ZBBX: variants seen among roughly 807,000 people sequenced by gnomAD.
The protein encoded by ZBBX is zinc finger B-box domain containing, also known as zinc finger B-box domain-containing protein 1.
ZBBX carries 101 observed loss-of-function variants against 108.5 expected under a neutral mutation model. The ratio of observed to expected loss-of-function variants is 0.93; its 90% CI spans 0.79 to 1.10. ZBBX has a LOEUF of 1.10. ZBBX is among the 50% of genes least tolerant of loss of function. ZBBX has a pLI of 0.00. For synonymous variants in ZBBX, 356 were observed against 323.4 expected (o/e 1.10, Z -1.08); for missense variants, 1,009 against 941.4 (o/e 1.07, Z -0.94).
intron 1 of ZBBX, among the ~76,000 whole-genome samples, chr3:167,400,863 TGA>T (rs1263880543): frequency 5.3e-5 from 8 of 152,088 alleles, no homozygotes; most frequent in Non-Finnish European, 1.2e-4. Flanking sequence ...TGCATTTTTT[TGA>T]GTTTCTGATT....
the ZBBX span, among the ~76,000 whole-genome samples, chr3:167,198,695 A>G: frequency 6.6e-6 from 1 of 152,208 alleles, no homozygotes; most frequent in Non-Finnish European, 1.5e-5. Context: ...AAAACCACTG[A>G]GTAAATACAT....
At chr3:167,199,264 A>G in the ZBBX span, among the ~76,000 whole-genome samples, 4 of 152,300 alleles carry the variant, frequency 2.6e-5, no homozygotes, top group African/African-American at 9.6e-5. Flanking sequence ...ACCAGCTCTC[A>G]TCTTTTGTTG....
the ZBBX span, among the ~76,000 whole-genome samples, chr3:167,222,446 A>T: frequency 6.6e-6 from 1 of 151,794 alleles, no homozygotes; most frequent in Non-Finnish European, 1.5e-5. Flanking sequence ...GGGTGGAGGA[A>T]GATGATTAAT....
the ZBBX span, among the ~76,000 whole-genome samples, chr3:167,187,938 A>G: frequency 6.6e-6 from 1 of 152,204 alleles, no homozygotes; most frequent in Non-Finnish European, 1.5e-5. Flanking sequence ...CTACTGTTAT[A>G]ATAATTGGTA....
chr3:167,384,724 T>C (rs1215334757), upstream of ZBBX, among the ~76,000 whole-genome samples: 1 of 152,074 alleles, frequency 6.6e-6, no homozygotes, highest in East Asian at 1.9e-4. Flanking sequence ...AAAACCCATA[T>C]GTGACCTTCT....
At chr3:167,365,759 G>T in intron 6 of ZBBX, 127 bp downstream of exon 6, 1 of 485,262 alleles carries the variant, frequency 2.1e-6, no homozygotes, top group Non-Finnish European at 3.4e-6. Context: ...AAATCAACAA[G>T]TGAATAATAT....
At chr3:167,343,332 C>A (rs1336203587) in intron 9 of ZBBX, among the ~76,000 whole-genome samples, 1 of 151,812 alleles carries the variant, frequency 6.6e-6, no homozygotes, top group African/African-American at 2.4e-5. Flanking sequence ...ACTGCCACTA[C>A]CCTCTCTACT....
chr3:167,252,281 C>G, intron 20 of ZBBX: 1 of 966,714 alleles, frequency 1.0e-6, no homozygotes, highest in South Asian at 1.4e-5. Context: ...GAGATTTGAA[C>G]ATATTTACAT....
chr3:167,306,963 T>C (rs1456940595), intron 16 of ZBBX, among the ~76,000 whole-genome samples: 1 of 152,162 alleles, frequency 6.6e-6, no homozygotes, highest in East Asian at 1.9e-4. Context: ...AATGTTTATA[T>C]AACTCACCAA....
intron 10 of ZBBX, among the ~76,000 whole-genome samples, chr3:167,330,977 T>TCTCTCTCTCTCTCTCTC (rs1553820893): frequency 4.9e-5 from 1 of 20,222 alleles, no homozygotes; most frequent in African/African-American, 1.5e-4. Context: ...CCCACTCCCC[T>TCTCTCTCTCTCTCTCTC]TCTGTATGCA....
chr3:167,298,242 G>T, intron 18 of ZBBX, 63 bp downstream of exon 18: 1 of 1,317,898 alleles, frequency 7.6e-7, no homozygotes, highest in Non-Finnish European at 1.0e-6. Context: ...CCATTGAACA[G>T]AATTGCTCAG....
chr3:167,233,507 A>T, the ZBBX span, among the ~76,000 whole-genome samples: 1 of 151,550 alleles, frequency 6.6e-6, no homozygotes, highest in Non-Finnish European at 1.5e-5. Flanking sequence ...GAGCCAAGAA[A>T]AGCACCCATG....
chr3:167,384,469 G>A (rs1246631368), upstream of ZBBX, among the ~76,000 whole-genome samples: 1 of 152,028 alleles, frequency 6.6e-6, no homozygotes, highest in Non-Finnish European at 1.5e-5. Flanking sequence ...CAGAGAGTGG[G>A]GTCAAGAAGG....
chr3:167,345,060 T>C lies in ZBBX; in HGVS notation c.528+5360A>G, dbSNP rs188437319. On this transcript the variant is annotated intron_variant, in intron 9 of 21. Coordinates refer to ENST00000675490, the MANE Select transcript of ZBBX (RefSeq NM_001199201.2). ...TAATTATCCAATCCTTGGTTAAAAA[T>C]TCCCTTGCTTTCAAAATTCAGAGAA... Among the ~76,000 whole-genome samples the C allele has an allele frequency of 6.6e-5, 10 of 152,012 alleles. No homozygotes were observed. The East Asian group carries it at 1.5e-3, about 23-fold the overall frequency.
At chr3:167,330,259 T>TA (rs1185710901) in intron 10 of ZBBX, among the ~76,000 whole-genome samples, 2 of 152,164 alleles carry the variant, frequency 1.3e-5, no homozygotes, top group South Asian at 2.1e-4. Context: ...AACGTTTGTG[T>TA]AAAAAATACA....
chr3:167,387,358 A>C (rs2108635292), intron 1 of ZBBX, among the ~76,000 whole-genome samples: 1 of 152,214 alleles, frequency 6.6e-6, no homozygotes, highest in Middle Eastern at 3.4e-3. Flanking sequence ...TTATCAGAAA[A>C]AGGATACTTG....
intron 3 of ZBBX, among the ~76,000 whole-genome samples, chr3:167,373,231 T>C (rs1468988641): frequency 6.6e-6 from 1 of 152,202 alleles, no homozygotes; most frequent in Admixed American, 6.5e-5. Context: ...AAGAGCTGAT[T>C]TAAAGTATAC....
At chr3:167,208,316 C>A in the ZBBX span, among the ~76,000 whole-genome samples, 2 of 152,154 alleles carry the variant, frequency 1.3e-5, no homozygotes, top group South Asian at 2.1e-4. Context: ...TGTGACCCAG[C>A]GAGAAACCAG....
intron 20 of ZBBX, among the ~76,000 whole-genome samples, chr3:167,270,249 G>C (rs1236786862): frequency 6.6e-6 from 1 of 152,122 alleles, no homozygotes; most frequent in African/African-American, 2.4e-5. Flanking sequence ...AATAGTGCCG[G>C]AGCAAGTTGA....
Sources: gnomAD v4.1 joint callset for allele counts (sites outside exome capture counted in the v4.1 genomes callset) on GRCh38, gnomAD v4.1.1 for gene constraint, MANE v1.5 for transcripts, NCBI Gene and HGNC (gene_info 2026-07-23, HGNC 2026-07-21) for gene names.